Variants in NPAS2 observed in about 807,000 individuals in gnomAD.
The protein encoded by NPAS2 is neuronal PAS domain-containing protein 2.
Under a neutral mutation model 107.5 loss-of-function variants are expected in NPAS2, and 23 were observed. The observed-to-expected ratio is 0.21, with a 90% CI of 0.15 to 0.30. The LOEUF is 0.30. NPAS2 is among the 10% of genes least tolerant of loss of function. NPAS2 has a pLI of 1.00. For missense variants in NPAS2, 756 were observed against 1,043.3 expected (o/e 0.72, Z 3.79); for synonymous variants, 403 against 417.5 (o/e 0.97, Z 0.42).
chr2:100,828,543 T>C (rs928312343), intron 1 of NPAS2, among the ~76,000 whole-genome samples: 4 of 152,224 alleles, frequency 2.6e-5, no homozygotes, highest in African/African-American at 9.7e-5. Flanking sequence ...TACATTTAAA[T>C]CCTTAATTCA....
intron 1 of NPAS2, among the ~76,000 whole-genome samples, chr2:100,822,503 C>G (rs1676136220): frequency 2.0e-5 from 3 of 152,160 alleles, no homozygotes; most frequent in African/African-American, 7.2e-5. Context: ...TCTTTCTTAA[C>G]TCTTGGTAAT....
intron 1 of NPAS2, among the ~76,000 whole-genome samples, chr2:100,889,770 T>C (rs1169975222): frequency 6.6e-6 from 1 of 152,192 alleles, no homozygotes; most frequent in Non-Finnish European, 1.5e-5. Context: ...ACAACTCAGA[T>C]TTTAAAAAGA....
chr2:100,967,277 C>T (rs552972239), intron 10 of NPAS2, among the ~76,000 whole-genome samples: 1 of 124,306 alleles, frequency 8.0e-6, no homozygotes, highest in East Asian at 2.8e-4. Flanking sequence ...GACAGAGTCT[C>T]ACTCTGTCAC....
rs149072740 is a variant in NPAS2, at chr2:100,883,614, T to A, written c.-22-21119T>A. Among the ~76,000 whole-genome samples the A allele has an allele frequency of 3.3e-3, 506 of 152,210 alleles. 2 individuals are homozygous for A. Among genetic ancestry groups the A allele is most frequent in the Admixed American group, 4.4e-3 (67 of 15,276 alleles). ...GAGAATGCTCTGTCATAACCAGCGC[T>A]CCCAGTCTCCATAGGTTCTTAGCAC... On this transcript the variant is annotated intron_variant, in intron 1 of 20. Transcript: ENST00000335681.
chr2:100,848,892 A>G (rs1274857203), intron 1 of NPAS2, among the ~76,000 whole-genome samples: 4 of 152,348 alleles, frequency 2.6e-5, no homozygotes, highest in South Asian at 2.1e-4. Context: ...TCGCCCTGAC[A>G]TGTTCTCTGC....
intron 5 of NPAS2, among the ~76,000 whole-genome samples, chr2:100,940,398 CT>C (rs1674505840): frequency 6.6e-6 from 1 of 152,226 alleles, no homozygotes; most frequent in South Asian, 2.1e-4. Flanking sequence ...AATATCACTC[CT>C]TGTGAGCCCA....
intron 1 of NPAS2, among the ~76,000 whole-genome samples, chr2:100,875,672 G>A (rs919911124): frequency 9.2e-5 from 14 of 152,196 alleles, no homozygotes; most frequent in Admixed American, 6.5e-4. Flanking sequence ...ACCGAAGGTC[G>A]TTTACTTTGG....
intron 2 of NPAS2, among the ~76,000 whole-genome samples, chr2:100,924,901 C>G (rs1390597142): frequency 2.6e-5 from 4 of 152,174 alleles, no homozygotes; most frequent in Non-Finnish European, 4.4e-5. Context: ...GCTAATCTGT[C>G]AGATTTTGCG....
chr2:100,891,365 G>T (rs542937814), intron 1 of NPAS2, among the ~76,000 whole-genome samples: 24 of 152,148 alleles, frequency 1.6e-4, no homozygotes, highest in African/African-American at 5.8e-4. Flanking sequence ...TGCAACATGA[G>T]GGTATGTCCT....
chr2:100,837,892 G>A (rs1323221718), intron 1 of NPAS2, among the ~76,000 whole-genome samples: 1 of 152,126 alleles, frequency 6.6e-6, no homozygotes, highest in Non-Finnish European at 1.5e-5. Flanking sequence ...AGAGCTGGAC[G>A]AGACCTTAGA....
intron 1 of NPAS2, among the ~76,000 whole-genome samples, chr2:100,903,474 C>T (rs1250809578): frequency 6.6e-6 from 1 of 152,176 alleles, no homozygotes; most frequent in African/African-American, 2.4e-5. Context: ...TTGGCTCAGA[C>T]CCATGTTTGT....
intron 1 of NPAS2, among the ~76,000 whole-genome samples, chr2:100,836,982 A>G (rs1378142270): frequency 6.6e-6 from 1 of 152,150 alleles, no homozygotes; most frequent in Admixed American, 6.5e-5. Context: ...ATACCTTTGA[A>G]CACTTTAGTG....
chr2:100,923,193 A>C (rs1318507491), intron 2 of NPAS2, among the ~76,000 whole-genome samples: 1 of 152,168 alleles, frequency 6.6e-6, no homozygotes, highest in Non-Finnish European at 1.5e-5. Flanking sequence ...GCAGGTAAAG[A>C]GAGTGGCTCG....
At chr2:100,853,950 C>A (rs1365285414) in intron 1 of NPAS2, among the ~76,000 whole-genome samples, 10 of 137,126 alleles carry the variant, frequency 7.3e-5, no homozygotes, top group African/African-American at 2.5e-4. Flanking sequence ...GAGGCCGAGG[C>A]AGGAAGATGG....
At chr2:100,974,133 C>CACCCAGCCCCA (rs1325221589) in intron 12 of NPAS2, among the ~76,000 whole-genome samples, 2 of 152,192 alleles carry the variant, frequency 1.3e-5, no homozygotes, top group African/African-American at 2.4e-5. Flanking sequence ...TGAGCCACCG[C>CACCCAGCCCCA]ACCCAGCCCC....
At chr2:100,986,130 C>G (rs538258657) in intron 16 of NPAS2, 18 of 152,206 alleles carry the variant, frequency 1.2e-4, no homozygotes, top group African/African-American at 3.9e-4. Flanking sequence ...CCAGAAAATT[C>G]TTCTTAATTT....
intron 7 of NPAS2, among the ~76,000 whole-genome samples, chr2:100,961,635 C>T (rs535282880): frequency 2.0e-5 from 3 of 152,284 alleles, no homozygotes; most frequent in Admixed American, 2.0e-4. Flanking sequence ...GCAGCCAGGC[C>T]AACAGTAAGC....
At chr2:100,991,813 G>A (rs1365600829) in intron 19 of NPAS2, among the ~76,000 whole-genome samples, 1 of 152,200 alleles carries the variant, frequency 6.6e-6, no homozygotes, top group African/African-American at 2.4e-5. Context: ...CATTCTCGAA[G>A]GCCACACAGT....
rs116053682 is a variant in NPAS2, at chr2:100,901,413, G to T, written c.-22-3320G>T. On this transcript the variant is annotated intron_variant, in intron 1 of 20. Coordinates refer to ENST00000335681, the MANE Select transcript of NPAS2 (RefSeq NM_002518.4). Reference sequence around the variant, plus strand: ...GTGCAGATGCCTGGATTTCAAACTGGGGGGGATGTTACAAAGCTTAAAAAG... The same window carrying T: ...GTGCAGATGCCTGGATTTCAAACTGTGGGGGATGTTACAAAGCTTAAAAAG... 3.5e-3 allele frequency: 1,537 copies of T among 436,294 alleles called. 19 individuals carry two copies. Among genetic ancestry groups the T allele is most frequent in the African/African-American group, 0.031 (1,446 of 46,762 alleles). 27.0% of individuals were successfully genotyped at this position (436,294 alleles called of 1,614,324 possible). A position where few individuals can be genotyped will look rare whatever the true frequency, so the allele number is the denominator to read the frequency against.
Sources: gnomAD v4.1 joint callset for allele counts (sites outside exome capture counted in the v4.1 genomes callset) on GRCh38, gnomAD v4.1.1 for gene constraint, MANE v1.5 for transcripts, NCBI Gene and HGNC (gene_info 2026-07-23, HGNC 2026-07-21) for gene names.